The following APPL2 variants were observed in gnomAD, a reference collection of about 807,000 sequenced individuals.
APPL2 encodes DCC-interacting protein 13-beta.
Under a neutral mutation model 92.7 loss-of-function variants are expected in APPL2, and 84 were observed. The ratio of observed to expected loss-of-function variants is 0.91; its 90% CI spans 0.76 to 1.09. The LOEUF (loss-of-function observed/expected upper bound fraction) is 1.09, where lower values mean the gene tolerates loss of function less well. Ranked by LOEUF, APPL2 falls within the 50% of genes least tolerant of loss-of-function variation. APPL2 has a pLI of 0.00. For missense variants in APPL2, 736 were observed against 824.5 expected (o/e 0.89, Z 1.31); for synonymous variants, 291 against 291.0 (o/e 1.00, Z 0.00).
chr12:105,181,520 G>A (rs1886114938), intron 17 of APPL2, among the ~76,000 whole-genome samples: 1 of 152,148 alleles, frequency 6.6e-6, no homozygotes, highest in Non-Finnish European at 1.5e-5. Flanking sequence ...GTTTGGAATA[G>A]TTTTAGAAGG....
intron 10 of APPL2, among the ~76,000 whole-genome samples, chr12:105,198,998 C>T (rs1157076022): frequency 6.6e-6 from 1 of 152,240 alleles, no homozygotes; most frequent in African/African-American, 2.4e-5. Flanking sequence ...TGCCTCTGGC[C>T]TTGCAGGTAG....
At chr12:105,202,095 A>T (rs1241106453) in intron 9 of APPL2, among the ~76,000 whole-genome samples, 1 of 152,230 alleles carries the variant, frequency 6.6e-6, no homozygotes, top group African/African-American at 2.4e-5. Context: ...TACAGGAAAA[A>T]TAGCATTCAA....
At chr12:105,175,975 G>A in intron 20 of APPL2, 60 bp downstream of exon 20, 1 of 1,420,332 alleles carries the variant, frequency 7.0e-7, no homozygotes, top group Non-Finnish European at 9.5e-7. Context: ...AAAGACTCTT[G>A]GTATGTGTAC....
intron 17 of APPL2, among the ~76,000 whole-genome samples, chr12:105,184,922 GGGCT>G (rs758867116): frequency 2.2e-4 from 33 of 152,140 alleles, no homozygotes; most frequent in Non-Finnish European, 4.7e-4. Flanking sequence ...CCCTGACTGG[GGGCT>G]GCTACCTTTC....
chr12:105,222,169 G>A (rs1310074895), intron 2 of APPL2, among the ~76,000 whole-genome samples: 2 of 152,200 alleles, frequency 1.3e-5, no homozygotes, highest in South Asian at 2.1e-4. Flanking sequence ...CGTCTCATGC[G>A]AGGCAGGCCA....
Position 105,177,010 on chromosome 12 carries a change from G to C in APPL2, c.1678C>G (p.Leu560Val). The C allele has an allele frequency of 6.2e-7, 1 of 1,613,998 alleles. No homozygotes were observed. Among genetic ancestry groups the C allele is most frequent in the South Asian group, 1.1e-5 (1 of 91,062 alleles). Residue 560 changes from leucine to valine, a missense_variant, in exon 19 of 21, where the codon CTT becomes GTT. Coordinates refer to ENST00000258530, the MANE Select transcript of APPL2 (RefSeq NM_018171.5). ...QTQVSRANFE[L>V]TSVTQFAAHQ... ...GCAGCAAATTGTGTGACACTGGTAAGTTCAAACTGGGGGGTGGAAAAAAAG... is the reference window on the plus strand; with the variant it reads ...GCAGCAAATTGTGTGACACTGGTAACTTCAAACTGGGGGGTGGAAAAAAAG...
intron 17 of APPL2, among the ~76,000 whole-genome samples, chr12:105,186,635 TCATATATATGATATC>T (rs1886662746): frequency 1.5e-5 from 2 of 132,448 alleles, no homozygotes; most frequent in Non-Finnish European, 3.2e-5. Context: ...ATCATATATA[TCATATATATGATATC>T]GATATCATAT....
At chr12:105,197,696 TAG>T in intron 11 of APPL2, 67 bp downstream of exon 11, 1 of 1,579,714 alleles carries the variant, frequency 6.3e-7, no homozygotes. Flanking sequence ...AGGAATGAAC[TAG>T]GAGGCCCTTG....
At chr12:105,178,457 T>C (rs954274623) in intron 17 of APPL2, among the ~76,000 whole-genome samples, 1 of 152,166 alleles carries the variant, frequency 6.6e-6, no homozygotes, top group Non-Finnish European at 1.5e-5. Flanking sequence ...TTGATTGTGA[T>C]GATGGTTGTA....
At chr12:105,224,007 C>A (rs1890313718) in intron 2 of APPL2, among the ~76,000 whole-genome samples, 1 of 152,142 alleles carries the variant, frequency 6.6e-6, no homozygotes, top group Admixed American at 6.5e-5. Context: ...CTGTGAAGTC[C>A]AAGGTCACAC....
chr12:105,229,643 CTAGCACAGCTG>C, intron 1 of APPL2: 3 of 992,618 alleles, frequency 3.0e-6, no homozygotes, highest in Non-Finnish European at 3.6e-6. Context: ...GTGTGGTCAT[CTAGCACAGCTG>C]TAGTGTGATC....
chr12:105,197,335 T>A (rs1253647103), intron 11 of APPL2, among the ~76,000 whole-genome samples: 1 of 152,126 alleles, frequency 6.6e-6, no homozygotes, highest in East Asian at 1.9e-4. Context: ...TTCTCACAAC[T>A]CCTGCTTCTG....
At chr12:105,229,668 C>T in intron 1 of APPL2, 2 of 987,192 alleles carry the variant, frequency 2.0e-6, no homozygotes, top group Non-Finnish European at 2.4e-6. Flanking sequence ...TGTGATCATC[C>T]CAGCAGGAAC....
At position 105,198,082 on chromosome 12, in the gene APPL2, A is replaced by G. The variant is rs183356262; in HGVS notation, c.864-129T>C. 291 of 871,662 alleles carry G rather than the reference A, an allele frequency of 3.3e-4. 4 individuals carry two copies. The East Asian group carries it at 7.8e-3, about 23-fold the overall frequency. The allele number at this position is 871,662 out of a possible 1,614,324, so 54.0% of individuals were successfully genotyped here. Reference sequence around the variant, plus strand: ...TGTGTTTCTTTATATCGTTAAAGCAAAACTGCCCATTCAAGTGGAAAGAGC... The same window carrying G: ...TGTGTTTCTTTATATCGTTAAAGCAGAACTGCCCATTCAAGTGGAAAGAGC... On this transcript the variant is annotated intron_variant, in intron 10 of 20. Transcript: ENST00000258530.
intron 11 of APPL2, 72 bp downstream of exon 11, chr12:105,197,692 GA>G: frequency 6.4e-7 from 1 of 1,568,468 alleles, no homozygotes; most frequent in Non-Finnish European, 8.7e-7. Flanking sequence ...ACATAGGAAT[GA>G]ACTAGGAGGC....
intron 9 of APPL2, among the ~76,000 whole-genome samples, chr12:105,201,233 G>T (rs537159784): frequency 6.6e-6 from 1 of 152,274 alleles, no homozygotes; most frequent in East Asian, 1.9e-4. Context: ...AATGCAGCTC[G>T]ATTTTGGCTT....
At chr12:105,227,483 G>C (rs568319664) in intron 2 of APPL2, among the ~76,000 whole-genome samples, 1 of 152,222 alleles carries the variant, frequency 6.6e-6, no homozygotes, top group South Asian at 2.1e-4. Flanking sequence ...GCACTCACAG[G>C]CACGCACACA....
At chr12:105,211,799 T>C (rs1442219265) in intron 4 of APPL2, among the ~76,000 whole-genome samples, 1 of 152,182 alleles carries the variant, frequency 6.6e-6, no homozygotes, top group African/African-American at 2.4e-5. Flanking sequence ...CGGCCAGCTA[T>C]GGGCCTGGAA....
intron 1 of APPL2, among the ~76,000 whole-genome samples, chr12:105,231,131 T>C (rs780107278): frequency 1.1e-4 from 16 of 152,230 alleles, no homozygotes; most frequent in Non-Finnish European, 1.5e-4. Context: ...AATCTACTAA[T>C]GGATGTCAAC....
Sources: gnomAD v4.1 joint callset for allele counts (sites outside exome capture counted in the v4.1 genomes callset) on GRCh38, gnomAD v4.1.1 for gene constraint, MANE v1.5 for transcripts, NCBI Gene and HGNC (gene_info 2026-07-23, HGNC 2026-07-21) for gene names.